Variants in UGT1A7 observed in about 807,000 individuals in gnomAD.
UGT1A7 encodes UDP glucuronosyltransferase family 1 member A7.
A neutral mutation model predicts 45.6 loss-of-function variants in UGT1A7; 33 were observed. The observed-to-expected ratio is 0.72, with a 90% CI of 0.55 to 0.97. UGT1A7 has a LOEUF of 0.97. Among genes scored for constraint, UGT1A7 ranks in the 50% least tolerant of loss-of-function variants. The probability of loss-of-function intolerance (pLI) is 0.00; values close to 1 mark genes in which losing one functional copy is unlikely to be tolerated. For synonymous variants in UGT1A7, 274 were observed against 250.6 expected (o/e 1.09, Z -0.88); for missense variants, 684 against 666.2 (o/e 1.03, Z -0.29).
chr2:233,769,111 C>T lies in UGT1A7; in HGVS notation c.1295+672C>T, dbSNP rs899905689. Among the ~76,000 whole-genome samples the T allele has an allele frequency of 3.9e-5, 6 of 152,132 alleles. No homozygotes were observed. Among genetic ancestry groups the T allele is most frequent in the African/African-American group, 1.4e-4 (6 of 41,418 alleles). ...CATAGTATCTTTAAGAGAAAAACAACTCAAATGCTTAGAAGTACAGCTTTT... is the reference window on the plus strand; with the variant it reads ...CATAGTATCTTTAAGAGAAAAACAATTCAAATGCTTAGAAGTACAGCTTTT... On this transcript the variant is annotated intron_variant, in intron 4 of 4. Coordinates refer to ENST00000373426, the MANE Select transcript of UGT1A7 (RefSeq NM_019077.3). This position sits in a 1 kb window ranked among gnomAD's most constrained non-coding sequence, Gnocchi z 4.4.
intron 1 of UGT1A7, chr2:233,713,615 G>T (rs374147519): frequency 6.2e-7 from 1 of 1,613,832 alleles, no homozygotes; most frequent in Non-Finnish European, 8.5e-7. Context: ...TGACATTCCT[G>T]CAAAGGGTCA....
Position 233,728,007 on chromosome 2 carries a change from C to A in UGT1A7, c.856-39027C>A, listed in dbSNP as rs149726573. ...GGCATCAGCAATCTTGTGAGCACAG[C>A]ACATGTGGGAGTGACTTTCTGGAGT... On this transcript the variant is annotated intron_variant, in intron 1 of 4. Transcript: ENST00000373426. Among the ~76,000 whole-genome samples the A allele has an allele frequency of 4.5e-3, 686 of 152,336 alleles. 5 individuals carry two copies. Among genetic ancestry groups the A allele is most frequent in the African/African-American group, 0.016 (647 of 41,580 alleles).
chr2:233,745,551 C>G (rs548824716), intron 1 of UGT1A7, among the ~76,000 whole-genome samples: 2 of 151,716 alleles, frequency 1.3e-5, no homozygotes, highest in Admixed American at 6.5e-5. Context: ...GAACAAACTT[C>G]TAAGTTTATA....
rs28898588 is a variant in UGT1A7, at chr2:233,707,117, T to G, written c.855+24325T>G. On this transcript the variant is annotated intron_variant, in intron 1 of 4. Transcript: ENST00000373426. ...CAGCTGAGGGACCCCCAAAATACTC[T>G]GCATTAGGCTTTCTATCCCGGAGGT... 8.8e-3 allele frequency among the ~76,000 whole-genome samples: 1,342 copies of G among 152,244 alleles called. 24 individuals are homozygous for G. The highest frequency in any genetic ancestry group is 0.031 in the African/African-American group (1,274 of 41,546).
At chr2:233,705,798 A>G (rs1030197407) in intron 1 of UGT1A7, among the ~76,000 whole-genome samples, 10 of 152,194 alleles carry the variant, frequency 6.6e-5, no homozygotes, top group Non-Finnish European at 1.5e-4. Context: ...CCCCTTGTTC[A>G]AAAATTATTA....
At chr2:233,754,654 T>C (rs1182813950) in intron 1 of UGT1A7, 3 of 457,300 alleles carry the variant, frequency 6.6e-6, no homozygotes, top group Admixed American at 4.9e-5. Context: ...TCAATGATTC[T>C]CTTGGTGGTG....
chr2:233,722,391 C>T (rs1160586490), intron 1 of UGT1A7, among the ~76,000 whole-genome samples: 1 of 152,204 alleles, frequency 6.6e-6, no homozygotes, highest in African/African-American at 2.4e-5. Flanking sequence ...TCTTCTCCCT[C>T]TCTTTCTCCT....
intron 1 of UGT1A7, chr2:233,713,399 C>T (rs2076318102): frequency 1.2e-6 from 2 of 1,614,000 alleles, no homozygotes; most frequent in Non-Finnish European, 1.7e-6. Flanking sequence ...ATAATGAGGC[C>T]CTGATCAGGC....
chr2:233,756,691 G>A (rs1044916114), intron 1 of UGT1A7, among the ~76,000 whole-genome samples: 1 of 152,108 alleles, frequency 6.6e-6, no homozygotes, highest in Non-Finnish European at 1.5e-5. Flanking sequence ...ATATAATGAC[G>A]ATGAATTTTG....
intron 1 of UGT1A7, chr2:233,729,619 C>A: frequency 6.2e-7 from 1 of 1,613,978 alleles, no homozygotes; most frequent in Non-Finnish European, 8.5e-7. Context: ...GGCTAAGTAC[C>A]TGTCGATTCC....
intron 1 of UGT1A7, chr2:233,747,790 A>G (rs1394158635): frequency 2.0e-5 from 32 of 1,613,372 alleles, no homozygotes; most frequent in Non-Finnish European, 2.6e-5. Flanking sequence ...CCTTCCTCCT[A>G]TATTCCTAAG....
chr2:233,745,013 A>G (rs1344188212), intron 1 of UGT1A7, among the ~76,000 whole-genome samples: 1 of 151,876 alleles, frequency 6.6e-6, no homozygotes, highest in Non-Finnish European at 1.5e-5. Context: ...TAATAAATGT[A>G]AATGCTATGT....
At chr2:233,693,078 T>C (rs751253746) in intron 1 of UGT1A7, 2 of 1,614,188 alleles carry the variant, frequency 1.2e-6, no homozygotes, top group South Asian at 2.2e-5. Flanking sequence ...GGCATGGTTG[T>C]AGGTGACAAG....
At chr2:233,708,407 T>G (rs2076017107) in intron 1 of UGT1A7, 1 of 152,202 alleles carries the variant, frequency 6.6e-6, no homozygotes, top group South Asian at 2.1e-4. Context: ...TTCATCAAGT[T>G]GTTTCACCAG....
rs1402527560 is a variant in UGT1A7, at chr2:233,772,791, CAT to C, written c.*233_*234del. On this transcript the variant is annotated 3_prime_UTR_variant, in exon 5 of 5. Transcript: ENST00000373426. Reference sequence around the variant, plus strand: ...CCTCTGGTGTCTTTGATCAGGATGACATGTGCCATTTTTCAGAGGACGTGCAG... The same window carrying C: ...CCTCTGGTGTCTTTGATCAGGATGACGTGCCATTTTTCAGAGGACGTGCAG... The C allele has an allele frequency of 3.3e-6, 4 of 1,224,574 alleles. No homozygotes were observed. The highest frequency in any genetic ancestry group is 1.7e-5 in the South Asian group (1 of 59,936). The allele number at this position is 1,224,574 out of a possible 1,614,324, so 75.9% of individuals were successfully genotyped here. A position where few individuals can be genotyped will look rare whatever the true frequency, so the allele number is the denominator to read the frequency against.
At chr2:233,719,412 C>G in intron 1 of UGT1A7, 1 of 1,613,976 alleles carries the variant, frequency 6.2e-7, no homozygotes, top group South Asian at 1.1e-5. Context: ...TCCTAAGTTA[C>G]TAACGACCAA....
chr2:233,700,115 T>C (rs2075545097), intron 1 of UGT1A7, among the ~76,000 whole-genome samples: 1 of 152,244 alleles, frequency 6.6e-6, no homozygotes, highest in South Asian at 2.1e-4. Flanking sequence ...GCAAGGATCC[T>C]GTGCCCACCC....
chr2:233,695,327 C>T (rs372651727), intron 1 of UGT1A7, among the ~76,000 whole-genome samples: 3 of 151,842 alleles, frequency 2.0e-5, no homozygotes, highest in African/African-American at 4.8e-5. Flanking sequence ...GGTTTCACCA[C>T]GTTGGCCAGG....
intron 1 of UGT1A7, among the ~76,000 whole-genome samples, chr2:233,736,629 C>T (rs558858921): frequency 6.6e-6 from 1 of 152,208 alleles, no homozygotes; most frequent in Admixed American, 6.5e-5. Flanking sequence ...CTTTTCTGCT[C>T]TAGTTTCCCC....
Sources: allele counts gnomAD v4.1 joint callset (sites outside exome capture counted in the v4.1 genomes callset), GRCh38; gene constraint gnomAD v4.1.1; non-coding constraint Gnocchi (gnomAD v3.1); transcripts MANE v1.5; gene names NCBI Gene and HGNC (gene_info 2026-07-23, HGNC 2026-07-21).